ATM: variants seen among roughly 807,000 people sequenced by gnomAD.
The protein encoded by ATM is ATM serine/threonine kinase.
Under a neutral mutation model 387.0 loss-of-function variants are expected in ATM, and 308 were observed. The ratio of observed to expected loss-of-function variants is 0.80; its 90% CI spans 0.73 to 0.87. The LOEUF is 0.87. Among genes scored for constraint, ATM ranks in the 40% least tolerant of loss-of-function variants. The probability of loss-of-function intolerance (pLI) is 0.00; values close to 1 mark genes in which losing one functional copy is unlikely to be tolerated. For synonymous variants in ATM, 1,156 were observed against 1,187.3 expected (o/e 0.97, Z 0.54); for missense variants, 3,312 against 3,560.9 (o/e 0.93, Z 1.78).
chr11:108,348,301 A>G (rs944405631), intron 59 of ATM, among the ~76,000 whole-genome samples: 22 of 151,800 alleles, frequency 1.4e-4, no homozygotes, highest in Non-Finnish European at 1.3e-4. Flanking sequence ...AAATAATAAG[A>G]AAGTGATGAA....
In ATM at chr11:108,365,111, G is replaced by T. The variant is rs1060501650; in HGVS notation, c.8880G>T (p.Trp2960Cys). 1 of 1,614,044 alleles carries T rather than the reference G, an allele frequency of 6.2e-7. No homozygotes were observed. The highest frequency in any genetic ancestry group is 8.5e-7 in the Non-Finnish European group (1 of 1,179,998). The change falls in exon 62 of 63, where the codon TGG becomes TGT. Residue 2960 changes from tryptophan to cysteine, a missense_variant. Coordinates refer to ENST00000675843, the MANE Select transcript of ATM (RefSeq NM_000051.4). ...EVLLYDPLFD[W>C]TMNPLKALYL... is the part of the protein sequence containing the mutation. ...TTCTATATGATCCACTCTTTGACTG[G>T]ACCATGAATCCTTTGAAAGCTTTGT...
rs1410228904 is a variant in ATM at position 108,326,045 on chromosome 11, A to G, written c.6808-13A>G. On this transcript the variant is annotated splice_polypyrimidine_tract_variant and intron_variant, in intron 46 of 62. Coordinates refer to ENST00000675843, the MANE Select transcript of ATM (RefSeq NM_000051.4). ...GTAAAAGTATTTATTCCCATATGTC[A>G]TTTTCATTTCAGCTCCCTGAAAGGG... 1.9e-6 allele frequency: 3 copies of G among 1,613,300 alleles called. No homozygotes were observed. In the African/African-American group the frequency reaches 4.0e-5, roughly 22 times the overall value.
intron 5 of ATM, among the ~76,000 whole-genome samples, chr11:108,238,759 A>G (rs983434300): frequency 5.3e-5 from 8 of 151,416 alleles, no homozygotes; most frequent in African/African-American, 7.3e-5. Context: ...TGTGGCTTTT[A>G]TTTTATTTTT....
chr11:108,256,090 C>T, intron 13 of ATM, 125 bp from the exon 14 acceptor site: 1 of 836,820 alleles, frequency 1.2e-6, no homozygotes, highest in Non-Finnish European at 1.7e-6. Context: ...CAGGATATGC[C>T]ACCTTTAACT....
chr11:108,278,636 T>A (rs1419979850), intron 22 of ATM, among the ~76,000 whole-genome samples: 1 of 152,156 alleles, frequency 6.6e-6, no homozygotes, highest in Non-Finnish European at 1.5e-5. Context: ...GGAATCAGTG[T>A]GTGCAGAGAT....
At position 108,368,901 on chromosome 11, in the gene ATM, G is replaced by T. The variant is rs4585; in HGVS notation, c.*3393G>T. 106,187 of 196,746 alleles carry T rather than the reference G, an allele frequency of 0.54. 29,310 individuals carry two copies. The highest frequency in any genetic ancestry group is 0.72 in the Middle Eastern group (401 of 556). 12.2% of individuals were successfully genotyped at this position (196,746 alleles called of 1,614,324 possible). A position where few individuals can be genotyped will look rare whatever the true frequency, so the allele number is the denominator to read the frequency against. Reference sequence around the variant, plus strand: ...AAGCAAAGAGGAAAAACTTTGGACAGCGTAAAGACTAGAATAGTCTTTTAA... The same window carrying T: ...AAGCAAAGAGGAAAAACTTTGGACATCGTAAAGACTAGAATAGTCTTTTAA... On this transcript the variant is annotated 3_prime_UTR_variant, in exon 63 of 63. Transcript: ENST00000675843.
chr11:108,271,395 T>C lies in ATM; in HGVS notation c.3066T>C (p.Ile1022=). ...CTCAAGGACAGTTTCTTACAGTAAT[T>C]GGAGCATTTTGGTAGGTACAGTCTA... ...RDAQGQFLTV[I]GAFWHLTKER... is the part of the protein sequence containing the mutation. Residue 1022 remains isoleucine (I), a synonymous_variant, in exon 20 of 63, where the codon ATT becomes ATC. Coordinates refer to ENST00000675843, the MANE Select transcript of ATM (RefSeq NM_000051.4). 1 of 1,614,066 alleles carries C rather than the reference T, an allele frequency of 6.2e-7. No homozygotes were observed. Among genetic ancestry groups the C allele is most frequent in the Non-Finnish European group, 8.5e-7 (1 of 1,179,988 alleles).
intron 12 of ATM, among the ~76,000 whole-genome samples, 192 bp from the exon 13 acceptor site, chr11:108,253,622 G>T (rs1027918139): frequency 6.6e-6 from 1 of 152,018 alleles, no homozygotes; most frequent in Non-Finnish European, 1.5e-5. Flanking sequence ...ACTGAATAAT[G>T]ACATTTGATA....
chr11:108,279,518 T>C lies in ATM; in HGVS notation c.3312T>C (p.Ser1104=), dbSNP rs2135642994. The change falls in exon 23 of 63, where the codon TCT becomes TCC. Residue 1104 remains serine, a synonymous_variant. Transcript: ENST00000675843. ...TGTTCCAGGACACGAAGGGAGATTCTTCCAGGTTACTGAAAGCACTTCCTT... is the reference window on the plus strand; with the variant it reads ...TGTTCCAGGACACGAAGGGAGATTCCTCCAGGTTACTGAAAGCACTTCCTT... ...NRLFQDTKGD[S]SRLLKALPLK... is the part of the protein sequence containing the mutation. 1 of 1,613,028 alleles carries C rather than the reference T, an allele frequency of 6.2e-7. No homozygotes were observed. Among genetic ancestry groups the C allele is most frequent in the Non-Finnish European group, 8.5e-7 (1 of 1,179,360 alleles).
intron 45 of ATM, 53 bp from the exon 46 acceptor site, chr11:108,325,249 GTTTTTTTT>G: frequency 1.8e-6 from 1 of 565,840 alleles, no homozygotes; most frequent in Non-Finnish European, 3.0e-6. Context: ...AACTTACATA[GTTTTTTTT>G]TTTTTTTTTT....
At position 108,257,554 on chromosome 11, in the gene ATM, C is replaced by G. The variant is rs2135407215; in HGVS notation, c.2324C>G (p.Ser775Cys). 6.2e-7 allele frequency: 1 copy of G among 1,614,010 alleles called. No homozygotes were observed. The highest frequency in any genetic ancestry group is 8.5e-7 in the Non-Finnish European group (1 of 1,180,020). The change falls in exon 15 of 63, where the codon TCC becomes TGC. Residue 775 changes from serine to cysteine, a missense_variant. This residue lies in a region of ATM where 1,791 missense variants were observed against 1,804.5 expected (regional missense o/e 0.99). Transcript: ENST00000675843. ...NKTNEEFRIG[S>C]LRNMMQLCTR... ...ACAAATGAGGAATTCAGAATTGGTT[C>G]CTTGAGAAATATGATGCAGCTATGT...
At chr11:108,323,247 G>A (rs2085360886) in intron 45 of ATM, among the ~76,000 whole-genome samples, 1 of 152,180 alleles carries the variant, frequency 6.6e-6, no homozygotes, top group African/African-American at 2.4e-5. Context: ...AGGAACAAAA[G>A]TCTTTTCTGC....
At chr11:108,348,236 A>T (rs2088704998) in intron 59 of ATM, among the ~76,000 whole-genome samples, 1 of 151,850 alleles carries the variant, frequency 6.6e-6, no homozygotes, top group African/African-American at 2.4e-5. Flanking sequence ...ATATATAGAC[A>T]GTTTAATATA....
In ATM at chr11:108,354,808, T is replaced by C. The variant is rs2089687765; in HGVS notation, c.8787-3T>C. 1 of 1,613,042 alleles carries C rather than the reference T, an allele frequency of 6.2e-7. No individual in the cohort carries two copies. Among genetic ancestry groups the C allele is most frequent in the Non-Finnish European group, 8.5e-7 (1 of 1,178,994 alleles). On this transcript the variant is annotated splice_polypyrimidine_tract_variant and splice_region_variant and intron_variant, in intron 60 of 62. Coordinates refer to ENST00000675843, the MANE Select transcript of ATM (RefSeq NM_000051.4). ...TCCGTATTTATAATGTGTTTGACTC[T>C]AGATGCTGTGAGAAAACCATGGAAG...
intron 61 of ATM, among the ~76,000 whole-genome samples, chr11:108,364,487 G>T (rs1466393737): frequency 6.6e-6 from 1 of 152,128 alleles, no homozygotes; most frequent in African/African-American, 2.4e-5. Flanking sequence ...TATATCTCAA[G>T]ATTCCAAACG....
intron 52 of ATM, among the ~76,000 whole-genome samples, 188 bp downstream of exon 52, chr11:108,332,225 C>A (rs930400221): frequency 1.3e-5 from 2 of 151,922 alleles, no homozygotes; most frequent in African/African-American, 2.4e-5. Context: ...GTCAGAAGTT[C>A]GAGACCATCC....
rs575285986 is a variant in ATM at position 108,245,016 on chromosome 11, C to A, written c.891C>A (p.Thr297=). ...TCCATCATCCGAAAGGAGCCAAAAC[C>A]CAAGAAAAAGGTATAAAGGAAATGT... ...IYIHHPKGAK[T]QEKGAYESTK... is the part of the protein sequence containing the mutation. The change falls in exon 7 of 63, where the codon ACC becomes ACA. Residue 297 remains threonine (T), a synonymous_variant. Transcript: ENST00000675843. 1 of 1,606,394 alleles carries A rather than the reference C, an allele frequency of 6.2e-7. No homozygotes were observed. Among genetic ancestry groups the A allele is most frequent in the South Asian group, 1.1e-5 (1 of 90,942 alleles).
In ATM at chr11:108,316,090, A is replaced by G. The variant is rs1329479941; in HGVS notation, c.6175A>G (p.Thr2059Ala). The change falls in exon 42 of 63, where the codon ACA (threonine) becomes GCA (alanine). Residue 2059 changes from threonine to alanine, a missense_variant. This residue lies in a region of ATM where 1,405 missense variants were observed against 1,604.4 expected (regional missense o/e 0.88). Transcript: ENST00000675843. ...YDLETAIPSS[T>A]RQAGIIQALQ... ...CCTCGAAACAGCAATCCCCTCATCAACACGCCAGGCAGGAATCATTCAGGT... is the reference window on the plus strand; with the variant it reads ...CCTCGAAACAGCAATCCCCTCATCAGCACGCCAGGCAGGAATCATTCAGGT... 6.2e-7 allele frequency: 1 copy of G among 1,614,152 alleles called. No homozygotes were observed. The highest frequency in any genetic ancestry group is 2.2e-5 in the East Asian group (1 of 44,872).
rs1372590986 is a variant in ATM at position 108,252,043 on chromosome 11, T to G, written c.1802+12T>G. On this transcript the variant is annotated intron_variant, in intron 11 of 62. Coordinates refer to ENST00000675843, the MANE Select transcript of ATM (RefSeq NM_000051.4). ...CCAATTCTTCACAGGTAATTTAAGTTCATTAGCATGCTGCTGTTTTTTTTG... is the reference window on the plus strand; with the variant it reads ...CCAATTCTTCACAGGTAATTTAAGTGCATTAGCATGCTGCTGTTTTTTTTG... 1 of 1,608,314 alleles carries G rather than the reference T, an allele frequency of 6.2e-7. No homozygotes were observed. The highest frequency in any genetic ancestry group is 8.5e-7 in the Non-Finnish European group (1 of 1,177,750).
Sources: allele counts gnomAD v4.1 joint callset (sites outside exome capture counted in the v4.1 genomes callset), GRCh38; gene constraint gnomAD v4.1.1; regional missense constraint gnomAD v4.1.1; transcripts MANE v1.5; gene names NCBI Gene and HGNC (gene_info 2026-07-23, HGNC 2026-07-21).